Variants in DYNLT5 observed in about 807,000 individuals in gnomAD.
DYNLT5 encodes the protein dynein light chain Tctex-type 5.
A neutral mutation model predicts 19.3 loss-of-function variants in DYNLT5; 25 were observed. That is an observed-to-expected ratio of 1.30 (90% confidence interval 0.95 to 1.81). DYNLT5 has a LOEUF of 1.81. Among genes scored for constraint, DYNLT5 ranks in the 40% most tolerant of loss-of-function variants. The pLI is 0.00. For synonymous variants in DYNLT5, 82 were observed against 68.9 expected, an observed-to-expected ratio of 1.19 and a Z score of -0.94; for missense variants, 232 against 217.9, an observed-to-expected ratio of 1.06 and a Z score of -0.41.
At chr1:66,776,184 C>T in intron 3 of DYNLT5, 95 bp from the exon 4 acceptor site, 2 of 1,463,010 alleles carry the variant, frequency 1.4e-6, no homozygotes, top group Non-Finnish European at 1.8e-6. Flanking sequence ...AAGATTAAAT[C>T]CCTCCATGTT....
chr1:66,758,964 A>G (rs1388610008), intron 2 of DYNLT5, among the ~76,000 whole-genome samples: 2 of 152,178 alleles, frequency 1.3e-5, no homozygotes, highest in Non-Finnish European at 2.9e-5. Flanking sequence ...ATCACCATGT[A>G]TGTTAAACTA....
chr1:66,776,719 C>G (rs1189195656), intron 4 of DYNLT5, among the ~76,000 whole-genome samples: 1 of 152,162 alleles, frequency 6.6e-6, no homozygotes, highest in Non-Finnish European at 1.5e-5. Flanking sequence ...TTCACTAAGG[C>G]AGCTTCTTTG....
chr1:66,758,809 T>C (rs1053920728), intron 2 of DYNLT5, among the ~76,000 whole-genome samples: 7 of 152,176 alleles, frequency 4.6e-5, no homozygotes, highest in Non-Finnish European at 8.8e-5. Flanking sequence ...ATTTCAACAG[T>C]AATGAATTTA....
At chr1:66,754,420 C>T (rs2094632435) in intron 1 of DYNLT5, among the ~76,000 whole-genome samples, 1 of 152,204 alleles carries the variant, frequency 6.6e-6, no homozygotes, top group African/African-American at 2.4e-5. Context: ...AGCTTAATAT[C>T]TGCTTATGTA....
chr1:66,754,968 T>C (rs982923248), intron 2 of DYNLT5, among the ~76,000 whole-genome samples, 191 bp downstream of exon 2: 1 of 152,186 alleles, frequency 6.6e-6, no homozygotes, highest in Non-Finnish European at 1.5e-5. Flanking sequence ...AAGTTAATCC[T>C]AGCAGCATTT....
intron 2 of DYNLT5, among the ~76,000 whole-genome samples, chr1:66,770,066 A>G (rs897212723): frequency 6.6e-6 from 1 of 152,104 alleles, no homozygotes; most frequent in African/African-American, 2.4e-5. Flanking sequence ...TGCGATTGGC[A>G]ATGGATTTTG....
intron 2 of DYNLT5, among the ~76,000 whole-genome samples, chr1:66,757,213 G>A (rs2094637483): frequency 6.6e-6 from 1 of 152,128 alleles, no homozygotes; most frequent in Admixed American, 6.5e-5. Context: ...CTTATATGTG[G>A]TATAAGATCA....
chr1:66,777,039 T>C (rs890132830), intron 4 of DYNLT5, among the ~76,000 whole-genome samples: 4 of 152,196 alleles, frequency 2.6e-5, no homozygotes, highest in Non-Finnish European at 5.9e-5. Context: ...AAAAGGTTGA[T>C]TTATTGCTGG....
At chr1:66,755,280 A>T (rs1280857839) in intron 2 of DYNLT5, among the ~76,000 whole-genome samples, 1 of 151,518 alleles carries the variant, frequency 6.6e-6, no homozygotes, top group East Asian at 1.9e-4. Flanking sequence ...GTTTGTTTCC[A>T]TTTTTTTTCT....
intron 3 of DYNLT5, among the ~76,000 whole-genome samples, chr1:66,773,767 A>AT (rs907716318): frequency 3.3e-5 from 5 of 151,788 alleles, no homozygotes; most frequent in Non-Finnish European, 7.4e-5. Flanking sequence ...TGTTTTTAAA[A>AT]TTTTTTTTGT....
At chr1:66,763,479 G>A (rs949930225) in intron 2 of DYNLT5, among the ~76,000 whole-genome samples, 1 of 152,170 alleles carries the variant, frequency 6.6e-6, no homozygotes, top group Non-Finnish European at 1.5e-5. Context: ...GGCATCTTCT[G>A]AAATAAGACT....
At chr1:66,760,148 T>A (rs2094643395) in intron 2 of DYNLT5, among the ~76,000 whole-genome samples, 1 of 152,186 alleles carries the variant, frequency 6.6e-6, no homozygotes, top group Non-Finnish European at 1.5e-5. Flanking sequence ...TCCCTTAACC[T>A]GCTCTATTTT....
At chr1:66,757,433 A>G (rs2094638226) in intron 2 of DYNLT5, among the ~76,000 whole-genome samples, 1 of 152,176 alleles carries the variant, frequency 6.6e-6, no homozygotes, top group Admixed American at 6.5e-5. Context: ...TGTAATTTTT[A>G]TGTTTTATTA....
Position 66,777,678 on chromosome 1 carries a change from G to T in DYNLT5, c.*224G>T. ...AAAGCAGGAACTTGATCTTGGTTTTGCTGGATTGCTTTCCATAGACATAGA... is the reference window on the plus strand; with the variant it reads ...AAAGCAGGAACTTGATCTTGGTTTTTCTGGATTGCTTTCCATAGACATAGA... On this transcript the variant is annotated 3_prime_UTR_variant, in exon 5 of 5. Transcript: ENST00000282670. 1 of 401,872 alleles carries T rather than the reference G, an allele frequency of 2.5e-6. No homozygotes were observed. The highest frequency in any genetic ancestry group is 4.4e-6 in the Non-Finnish European group (1 of 224,816). 24.9% of individuals were successfully genotyped at this position (401,872 alleles called of 1,614,324 possible). A position where few individuals can be genotyped will look rare whatever the true frequency, so the allele number is the denominator to read the frequency against.
At chr1:66,758,073 C>CCTCAA (rs1364826582) in intron 2 of DYNLT5, among the ~76,000 whole-genome samples, 1 of 152,090 alleles carries the variant, frequency 6.6e-6, no homozygotes, top group Non-Finnish European at 1.5e-5. Context: ...GAAGCAGAAG[C>CCTCAA]TTAGAGAGAT....
At chr1:66,754,516 A>G (rs888970989) in intron 1 of DYNLT5, 140 bp from the exon 2 acceptor site, 28 of 729,826 alleles carry the variant, frequency 3.8e-5, no homozygotes, top group Non-Finnish European at 4.9e-5. Flanking sequence ...AATTCTATAT[A>G]TTGCTCTTGA....
intron 1 of DYNLT5, 41 bp downstream of exon 1, chr1:66,752,625 G>A (rs2094627538): frequency 8.2e-6 from 8 of 980,246 alleles, no homozygotes; most frequent in Non-Finnish European, 8.5e-6. Context: ...GACCCCAAAG[G>A]AAGGATAGGG....
intron 2 of DYNLT5, 56 bp from the exon 3 acceptor site, chr1:66,770,331 A>G: frequency 8.7e-7 from 1 of 1,150,738 alleles, no homozygotes; most frequent in Non-Finnish European, 1.3e-6. Flanking sequence ...GCAATATTGT[A>G]TTTTGTTATT....
intron 3 of DYNLT5, among the ~76,000 whole-genome samples, chr1:66,771,901 T>C (rs1645206308): frequency 6.6e-6 from 1 of 152,224 alleles, no homozygotes; most frequent in African/African-American, 2.4e-5. Context: ...GTACTGAGTA[T>C]GAACCACATT....
Sources: allele counts gnomAD v4.1 joint callset (sites outside exome capture counted in the v4.1 genomes callset), GRCh38; gene constraint gnomAD v4.1.1; transcripts MANE v1.5; gene names NCBI Gene and HGNC (gene_info 2026-07-23, HGNC 2026-07-21).